Variants in LTBP4 observed in about 807,000 individuals in gnomAD.
LTBP4 encodes the protein latent-transforming growth factor beta-binding protein 4.
LTBP4 carries 93 observed loss-of-function variants against 180.2 expected under a neutral mutation model. The ratio of observed to expected loss-of-function variants is 0.52; its 90% CI spans 0.44 to 0.61. The LOEUF (loss-of-function observed/expected upper bound fraction) is 0.61. Among genes scored for constraint, LTBP4 ranks in the 20% least tolerant of loss-of-function variants. LTBP4 has a pLI of 0.00. For synonymous variants in LTBP4, 947 were observed against 934.5 expected (o/e 1.01, Z -0.24); for missense variants, 2,116 against 2,256.5 (o/e 0.94, Z 1.26).
At chr19:40,614,150 C>T (rs1255831017) in intron 18 of LTBP4, 112 bp downstream of exon 18, 8 of 1,453,080 alleles carry the variant, frequency 5.5e-6, no homozygotes, top group Admixed American at 1.9e-5. Flanking sequence ...TTACCTCTTT[C>T]CCCCGCCTCC....
At chr19:40,599,110 C>A, upstream of LTBP4, 2 of 1,177,374 alleles carry the variant, frequency 1.7e-6, no homozygotes, top group Non-Finnish European at 2.5e-6. Flanking sequence ...CCTCAGGATG[C>A]GTCTTGGTTT....
rs989791063 is a variant in LTBP4, at chr19:40,622,502, G to A, written c.3319G>A (p.Gly1107Ser). Reference sequence around the variant, plus strand: ...CCGCCGACCCAGCACACCTAGGCAGGGCCCTGTGGGGAGTGGGCGCCGGGA... The same window carrying A: ...CCGCCGACCCAGCACACCTAGGCAGAGCCCTGTGGGGAGTGGGCGCCGGGA... ...LPRRPSTPRQ[G>S]PVGSGRRECY... Residue 1107 changes from glycine to serine, a missense_variant, in exon 23 of 30, where the codon GGC becomes AGC. Physicochemically the swap from Gly to Ser is moderately conservative, Grantham distance 56 (BLOSUM62 0). Transcript: ENST00000396819. This position sits in a 1 kb window ranked among gnomAD's most constrained non-coding sequence, Gnocchi z 5.1. The A allele has an allele frequency of 6.2e-7, 1 of 1,613,276 alleles. No individual in the cohort carries two copies. Among genetic ancestry groups the A allele is most frequent in the African/African-American group, 1.3e-5 (1 of 74,920 alleles).
chr19:40,618,632 T>G (rs2081566214), intron 21 of LTBP4, among the ~76,000 whole-genome samples: 2 of 152,120 alleles, frequency 1.3e-5, no homozygotes, highest in Non-Finnish European at 2.9e-5. Flanking sequence ...CCTCCCTCCT[T>G]GGCCTCCCAA....
At chr19:40,607,050 T>C (rs1298469952) in intron 6 of LTBP4, among the ~76,000 whole-genome samples, 1 of 152,042 alleles carries the variant, frequency 6.6e-6, no homozygotes, top group Non-Finnish European at 1.5e-5. Context: ...TGCGCCCAGC[T>C]CTCCCAGACT....
At position 40,616,880 on chromosome 19, in the gene LTBP4, A is replaced by T; in HGVS notation, c.2813-9A>T. 1 of 1,613,556 alleles carries T rather than the reference A, an allele frequency of 6.2e-7. No homozygotes were observed. Among genetic ancestry groups the T allele is most frequent in the South Asian group, 1.1e-5 (1 of 91,030 alleles). ...TTGACTCCCCTTTCATCTCCTCCAC[A>T]CTCTGCAGATGTGGATGAGTGCCAA... On this transcript the variant is annotated splice_polypyrimidine_tract_variant and intron_variant, in intron 19 of 29. Coordinates refer to ENST00000396819, the MANE Select transcript of LTBP4 (RefSeq NM_001042545.2).
Position 40,622,298 on chromosome 19 carries a change from A to G in LTBP4, c.3218-103A>G. The G allele has an allele frequency of 2.3e-6, 3 of 1,315,850 alleles. No individual in the cohort carries two copies. Among genetic ancestry groups the G allele is most frequent in the Non-Finnish European group, 3.1e-6 (3 of 980,318 alleles). The allele number at this position is 1,315,850 out of a possible 1,614,324, so 81.5% of individuals were successfully genotyped here. On this transcript the variant is annotated intron_variant, in intron 22 of 29. Transcript: ENST00000396819. This position sits in a 1 kb window ranked among gnomAD's most constrained non-coding sequence, Gnocchi z 5.1. ...TCTGGTTCTGCCACTGATGGCTGCC[A>G]CCCTCTGTTTCCCTATCTATGCCAG... is the stretch of plus-strand genomic sequence containing the variant.
chr19:40,599,115 T>C, upstream of LTBP4: 1 of 1,299,114 alleles, frequency 7.7e-7, no homozygotes, highest in East Asian at 2.5e-5. Flanking sequence ...GGATGCGTCT[T>C]GGTTTCCCCT....
intron 21 of LTBP4, among the ~76,000 whole-genome samples, chr19:40,618,259 G>GTTTT (rs1055926861): frequency 7.4e-6 from 1 of 135,900 alleles, no homozygotes; most frequent in Admixed American, 7.4e-5. Context: ...GTAGAGATGA[G>GTTTT]TTTTTTTTTT....
chr19:40,622,892 A>C lies in LTBP4; in HGVS notation c.3485-58A>C. ...ACTTTTGTGACAAGTGGGCACGAGC[A>C]GGTCAGGGCTGGGGCTGGGGCTCTG... On this transcript the variant is annotated intron_variant, in intron 23 of 29. Coordinates refer to ENST00000396819, the MANE Select transcript of LTBP4 (RefSeq NM_001042545.2). This position sits in a 1 kb window ranked among gnomAD's most constrained non-coding sequence, Gnocchi z 5.1. 6.5e-7 allele frequency: 1 copy of C among 1,545,150 alleles called. No homozygotes were observed. The highest frequency in any genetic ancestry group is 8.9e-7 in the Non-Finnish European group (1 of 1,127,946).
At chr19:40,593,508 T>C (rs2081376610) in intron 1 of LTBP4, among the ~76,000 whole-genome samples, 1 of 152,056 alleles carries the variant, frequency 6.6e-6, no homozygotes, top group Non-Finnish European at 1.5e-5. Context: ...CCTCCCAAAG[T>C]GCTGGGATTA....
Position 40,622,851 on chromosome 19 carries a change from G to GCA in LTBP4, c.3485-96_3485-95dup. Reference sequence around the variant, plus strand: ...AAGGCTGAGAGGTGGGCACTAACAGGCACAGGGCCAGAGGGACTTTTGTGA... The same window carrying GCA: ...AAGGCTGAGAGGTGGGCACTAACAGGCACACAGGGCCAGAGGGACTTTTGTGA... On this transcript the variant is annotated intron_variant, in intron 23 of 29. Coordinates refer to ENST00000396819, the MANE Select transcript of LTBP4 (RefSeq NM_001042545.2). The surrounding 1 kb of genome is among the most constrained non-coding windows in gnomAD (Gnocchi z 5.1). 7.1e-7 allele frequency: 1 copy of GCA among 1,414,730 alleles called. No homozygotes were observed. The highest frequency in any genetic ancestry group is 9.7e-7 in the Non-Finnish European group (1 of 1,034,364). The allele number at this position is 1,414,730 out of a possible 1,614,324, so 87.6% of individuals were successfully genotyped here. A position where few individuals can be genotyped will look rare whatever the true frequency, so the allele number is the denominator to read the frequency against.
chr19:40,626,236 T>C (rs909543034), intron 27 of LTBP4, among the ~76,000 whole-genome samples: 4 of 152,118 alleles, frequency 2.6e-5, no homozygotes, highest in African/African-American at 9.7e-5. Context: ...GATCCCATAG[T>C]ACCAGACCCA....
At chr19:40,607,710 T>C (rs112422898) in intron 7 of LTBP4, among the ~76,000 whole-genome samples, 181 bp downstream of exon 7, 2 of 152,250 alleles carry the variant, frequency 1.3e-5, no homozygotes, top group African/African-American at 4.8e-5. Context: ...TCCACCTCCA[T>C]CTGTAGCCAC....
chr19:40,614,506 C>T lies in LTBP4; in HGVS notation c.2812+60C>T, dbSNP rs546052974. The T allele has an allele frequency of 5.8e-6, 9 of 1,553,210 alleles. No individual in the cohort carries two copies. In the African/African-American group the frequency reaches 9.5e-5, roughly 16 times the overall value. The stretch of plus-strand genomic sequence containing the variant: ...GCAACGCGGTGCTGGAGGCTGCTCC[C>T]TTGGGGACTGAGGAGGGGCGCCCTG... On this transcript the variant is annotated intron_variant, in intron 19 of 29. Coordinates refer to ENST00000396819, the MANE Select transcript of LTBP4 (RefSeq NM_001042545.2).
Position 40,627,283 on chromosome 19 carries a change from C to T in LTBP4, c.4294C>T (p.Pro1432Ser). 1 of 1,523,828 alleles carries T rather than the reference C, an allele frequency of 6.6e-7. No homozygotes were observed. The highest frequency in any genetic ancestry group is 8.8e-7 in the Non-Finnish European group (1 of 1,137,948). 94.4% of individuals were successfully genotyped at this position (1,523,828 alleles called of 1,614,324 possible). The change falls in exon 28 of 30, where the codon CCC (proline) becomes TCC (serine). Residue 1432 changes from proline to serine, a missense_variant. Transcript: ENST00000396819. ...GCCACCTGGCCCGGGCACCCGCTGGCCCTATCGGTCCCGGGACACCCGCCG... is the reference window on the plus strand; with the variant it reads ...GCCACCTGGCCCGGGCACCCGCTGGTCCTATCGGTCCCGGGACACCCGCCG... ...PAPPGPGTRW[P>S]YRSRDTRRSF...
intron 6 of LTBP4, 52 bp downstream of exon 6, chr19:40,606,578 A>G: frequency 6.5e-7 from 1 of 1,532,230 alleles, no homozygotes; most frequent in African/African-American, 1.4e-5. Flanking sequence ...CTGCCCTCAG[A>G]AGTCCCAGAG....
At position 40,613,763 on chromosome 19, in the gene LTBP4, CGGG is replaced by C; in HGVS notation, c.2558-149_2558-147del. ...TGTAAAGAAGCTGTTCTAAACCCGTCGGGGGGCGGTGTTTGCAGGGAGGGAAGT... is the reference window on the plus strand; with the variant it reads ...TGTAAAGAAGCTGTTCTAAACCCGTCGGGCGGTGTTTGCAGGGAGGGAAGT... On this transcript the variant is annotated intron_variant, in intron 17 of 29. Coordinates refer to ENST00000396819, the MANE Select transcript of LTBP4 (RefSeq NM_001042545.2). The surrounding 1 kb of genome is among the most constrained non-coding windows in gnomAD (Gnocchi z 5.0). 1 of 1,308,042 alleles carries C rather than the reference CGGG, an allele frequency of 7.6e-7. No individual in the cohort carries two copies. Among genetic ancestry groups the C allele is most frequent in the Non-Finnish European group, 1.1e-6 (1 of 939,744 alleles). 81.0% of individuals were successfully genotyped at this position (1,308,042 alleles called of 1,614,324 possible). A position where few individuals can be genotyped will look rare whatever the true frequency, so the allele number is the denominator to read the frequency against.
intron 21 of LTBP4, among the ~76,000 whole-genome samples, chr19:40,618,361 G>A (rs2081564801): frequency 6.6e-6 from 1 of 151,492 alleles, no homozygotes; most frequent in East Asian, 1.9e-4. Flanking sequence ...CCGGGTTCAA[G>A]CAATTCTCCT....
chr19:40,593,837 G>A (rs1010232298), intron 1 of LTBP4, among the ~76,000 whole-genome samples: 5 of 151,662 alleles, frequency 3.3e-5, no homozygotes, highest in African/African-American at 4.8e-5. Flanking sequence ...TCTGTTGCCC[G>A]GGTTGGAGTG....
Sources: allele counts gnomAD v4.1 joint callset (sites outside exome capture counted in the v4.1 genomes callset), GRCh38; gene constraint gnomAD v4.1.1; non-coding constraint Gnocchi (gnomAD v3.1); transcripts MANE v1.5; gene names NCBI Gene and HGNC (gene_info 2026-07-23, HGNC 2026-07-21).